The following RAPGEF1 variants were observed in gnomAD, a reference collection of about 807,000 sequenced individuals.
The protein encoded by RAPGEF1 is Rap guanine nucleotide exchange factor 1.
A neutral mutation model predicts 143.3 loss-of-function variants in RAPGEF1; 33 were observed. That is an observed-to-expected ratio of 0.23 (90% confidence interval 0.17 to 0.31). The LOEUF (loss-of-function observed/expected upper bound fraction) is 0.31, where lower values mean the gene tolerates loss of function less well. Among genes scored for constraint, RAPGEF1 ranks in the 10% least tolerant of loss-of-function variants. The probability of loss-of-function intolerance (pLI) is 1.00; values close to 1 mark genes in which losing one functional copy is unlikely to be tolerated. For missense variants in RAPGEF1, 1,199 were observed against 1,645.4 expected (o/e 0.73, Z 4.69); for synonymous variants, 629 against 676.5 (o/e 0.93, Z 1.09).
At chr9:131,582,974 T>G (rs1422448465) in intron 24 of RAPGEF1, among the ~76,000 whole-genome samples, 1 of 152,214 alleles carries the variant, frequency 6.6e-6, no homozygotes, top group African/African-American at 2.4e-5. Context: ...TCATTGTGCC[T>G]GGGCAGCCAG....
In RAPGEF1 at chr9:131,655,710, A is replaced by G. The variant is rs7862102; in HGVS notation, c.62-4761T>C. Among the ~76,000 whole-genome samples, 132,500 of 152,146 alleles carry G rather than the reference A, an allele frequency of 0.87. 57,969 individuals carry two copies. Among genetic ancestry groups the G allele is most frequent in the African/African-American group, 0.95 (39,303 of 41,494 alleles). ...GGCAGAGCATGCAGTGCAAGATTGC[A>G]CCACTGCACTCCAGCCTGGGCGACT... On this transcript the variant is annotated intron_variant, in intron 1 of 26. Coordinates refer to ENST00000683357, the MANE Select transcript of RAPGEF1 (RefSeq NM_001377935.1). This position sits in a 1 kb window ranked among gnomAD's most constrained non-coding sequence, Gnocchi z 4.1.
chr9:131,659,827 CT>C (rs11388798), intron 1 of RAPGEF1, among the ~76,000 whole-genome samples: 1 of 149,334 alleles, frequency 6.7e-6, no homozygotes, highest in African/African-American at 2.5e-5. Context: ...TTATATTTTT[CT>C]TTTTTTTTGA....
At chr9:131,694,938 T>C (rs1269316407) in intron 1 of RAPGEF1, among the ~76,000 whole-genome samples, 1 of 148,410 alleles carries the variant, frequency 6.7e-6, no homozygotes, top group Non-Finnish European at 1.5e-5. Context: ...CCTAATGCTA[T>C]CCCTTCCCCC....
chr9:131,615,690 C>G (rs1046847952), intron 12 of RAPGEF1, among the ~76,000 whole-genome samples: 1 of 152,278 alleles, frequency 6.6e-6, no homozygotes, highest in South Asian at 2.1e-4. Context: ...ATGACCTTCC[C>G]GAATGGATGC....
At chr9:131,660,421 C>T (rs769286080) in intron 1 of RAPGEF1, among the ~76,000 whole-genome samples, 41 of 144,778 alleles carry the variant, frequency 2.8e-4, no homozygotes, top group Admixed American at 5.7e-4. Flanking sequence ...ATTCCACACA[C>T]AGCAGAAATA....
chr9:131,709,535 C>A, intron 1 of RAPGEF1: 1 of 1,269,784 alleles, frequency 7.9e-7, no homozygotes, highest in East Asian at 2.3e-5. Context: ...ATTCCCCAGG[C>A]ACTTCAGCTC....
chr9:131,684,215 A>T (rs1833149143), intron 1 of RAPGEF1, among the ~76,000 whole-genome samples: 2 of 152,348 alleles, frequency 1.3e-5, no homozygotes, highest in Admixed American at 1.3e-4. Flanking sequence ...TGGATGTCAC[A>T]CATGTTCCCT....
At position 131,737,905 on chromosome 9, in the gene RAPGEF1, T is replaced by A. The variant is rs1157145274; in HGVS notation, c.61+1865A>T. Among the ~76,000 whole-genome samples the A allele has an allele frequency of 2.0e-5, 3 of 151,234 alleles. No individual in the cohort carries two copies. The East Asian group carries it at 5.8e-4, about 29-fold the overall frequency. On this transcript the variant is annotated intron_variant, in intron 1 of 26. Coordinates refer to ENST00000683357, the MANE Select transcript of RAPGEF1 (RefSeq NM_001377935.1). ...GCGTGAACCCAGGAGGAGGCGGAGC[T>A]TGCAGTGAGCCGAGATCGCACCACT...
intron 1 of RAPGEF1, among the ~76,000 whole-genome samples, chr9:131,728,665 A>G (rs1224136415): frequency 6.6e-6 from 1 of 152,252 alleles, no homozygotes; most frequent in Non-Finnish European, 1.5e-5. Context: ...AGAAAGAGAA[A>G]GAACAAACCA....
Position 131,739,853 on chromosome 9 carries a change from G to A in RAPGEF1, c.-23C>T, listed in dbSNP as rs183326492. 2.0e-6 allele frequency: 2 copies of A among 1,005,476 alleles called. No individual in the cohort carries two copies. Among genetic ancestry groups the A allele is most frequent in the East Asian group, 1.0e-4 (1 of 9,560 alleles). The allele number at this position is 1,005,476 out of a possible 1,614,324, so 62.3% of individuals were successfully genotyped here. On this transcript the variant is annotated 5_prime_UTR_variant, in exon 1 of 27. Transcript: ENST00000683357. ...CATCGGGCCCGGGCCGGGCCGCCGCGGGGCGACAGGGGCGGCGCGCCCGCC... is the reference window on the plus strand; with the variant it reads ...CATCGGGCCCGGGCCGGGCCGCCGCAGGGCGACAGGGGCGGCGCGCCCGCC...
chr9:131,579,333 G>A lies in RAPGEF1; in HGVS notation c.*164C>T. 4 of 948,320 alleles carry A rather than the reference G, an allele frequency of 4.2e-6. No homozygotes were observed. The highest frequency in any genetic ancestry group is 6.3e-6 in the Non-Finnish European group (4 of 635,618). 58.7% of individuals were successfully genotyped at this position (948,320 alleles called of 1,614,324 possible). ...CCCACAGAGGAAGGAGGCAGGAAGC[G>A]GCTGGCAGGCTCCAGCTCCCGCCCG... On this transcript the variant is annotated 3_prime_UTR_variant, in exon 27 of 27. Coordinates refer to ENST00000683357, the MANE Select transcript of RAPGEF1 (RefSeq NM_001377935.1).
intron 3 of RAPGEF1, among the ~76,000 whole-genome samples, chr9:131,646,181 G>C (rs954578477): frequency 2.6e-5 from 4 of 152,150 alleles, no homozygotes; most frequent in African/African-American, 9.7e-5. Flanking sequence ...CCTGTGAAGT[G>C]GATACTATTA....
chr9:131,693,232 G>A (rs540058154), intron 1 of RAPGEF1, among the ~76,000 whole-genome samples: 82 of 152,244 alleles, frequency 5.4e-4, no homozygotes, highest in African/African-American at 2.0e-3. Flanking sequence ...TAATGATGAC[G>A]GAGTAGTGCT....
At chr9:131,709,970 A>G (rs958173198) in intron 1 of RAPGEF1, 2 of 984,276 alleles carry the variant, frequency 2.0e-6, no homozygotes, top group Admixed American at 6.1e-5. Flanking sequence ...CTCTTTCCTC[A>G]GCATCCTTTT....
intron 22 of RAPGEF1, among the ~76,000 whole-genome samples, chr9:131,585,658 T>C (rs1952604853): frequency 6.6e-6 from 1 of 152,032 alleles, no homozygotes; most frequent in African/African-American, 2.4e-5. Flanking sequence ...TTCCCCAGGA[T>C]GGAGTGCTTC....
chr9:131,713,108 T>G (rs182318572), intron 1 of RAPGEF1, among the ~76,000 whole-genome samples: 1 of 152,194 alleles, frequency 6.6e-6, no homozygotes, highest in East Asian at 1.9e-4. Context: ...ATGGGAAGAA[T>G]CAAAAGTGAA....
At chr9:131,630,460 G>GC (rs1964546534) in intron 5 of RAPGEF1, 136 bp from the exon 6 acceptor site, 3 of 786,114 alleles carry the variant, frequency 3.8e-6, no homozygotes, top group Non-Finnish European at 6.2e-6. Flanking sequence ...CACCATAAAC[G>GC]CAAGTATCAC....
chr9:131,630,297 G>T lies in RAPGEF1; in HGVS notation c.679C>A (p.Gln227Lys). Residue 227 changes from glutamine to lysine, a missense_variant, in exon 6 of 27, where the codon CAG becomes AAG. By Grantham distance (53) the Gln-to-Lys change is moderately conservative. Around this residue, in one of 6 missense-constraint regions of RAPGEF1, gnomAD observed 613 missense variants for 710.9 expected, o/e 0.86. Transcript: ENST00000683357. ...GGGCTCGTCGGAGACGGACGTCCCT[G>T]CTTCTCGATGGTGAGCCTGACCAGC... The part of the protein sequence containing the change: ...KELVRLTIEK[Q>K]GRPSPTSPVK... The T allele has an allele frequency of 1.2e-6, 2 of 1,613,842 alleles. No individual in the cohort carries two copies. The highest frequency in any genetic ancestry group is 1.7e-6 in the Non-Finnish European group (2 of 1,179,850).
intron 4 of RAPGEF1, among the ~76,000 whole-genome samples, chr9:131,639,441 T>TGTGTGC (rs1310398954): frequency 6.9e-5 from 2 of 28,908 alleles, no homozygotes; most frequent in Admixed American, 6.5e-4. Flanking sequence ...CAGGTGAGTG[T>TGTGTGC]GTGTGTGTGT....
Sources: gnomAD v4.1 joint callset for allele counts (sites outside exome capture counted in the v4.1 genomes callset) on GRCh38, gnomAD v4.1.1 for gene constraint, gnomAD v4.1.1 regional missense constraint, Gnocchi (gnomAD v3.1) non-coding constraint, MANE v1.5 for transcripts, NCBI Gene and HGNC (gene_info 2026-07-23, HGNC 2026-07-21) for gene names.